The following CNBD1 variants were observed in gnomAD, a reference collection of about 807,000 sequenced individuals.
CNBD1 encodes cyclic nucleotide-binding domain-containing protein 1.
A neutral mutation model predicts 54.4 loss-of-function variants in CNBD1; 71 were observed. The observed-to-expected ratio is 1.30, with a 90% CI of 1.08 to 1.59. The LOEUF (loss-of-function observed/expected upper bound fraction) is 1.59. Among genes scored for constraint, CNBD1 ranks in the 40% most tolerant of loss-of-function variants. The pLI is 0.00. For missense variants in CNBD1, 659 were observed against 518.0 expected (o/e 1.27, Z -2.64); for synonymous variants, 182 against 170.7 (o/e 1.07, Z -0.51).
At chr8:87,232,274 C>T (rs1329769809) in intron 5 of CNBD1, among the ~76,000 whole-genome samples, 1 of 152,072 alleles carries the variant, frequency 6.6e-6, no homozygotes, top group Non-Finnish European at 1.5e-5. Flanking sequence ...ACTTTCATTC[C>T]TCCTGAGCAA....
rs558174025 is a variant in CNBD1 at position 87,240,995 on chromosome 8, A to C, written c.771+3883A>C. Reference sequence around the variant, plus strand: ...GGTCCCCCCAGTTGATGGGCTAGGGAAAGTTTCAAGTTTACTCCACTAAAT... The same window carrying C: ...GGTCCCCCCAGTTGATGGGCTAGGGCAAGTTTCAAGTTTACTCCACTAAAT... On this transcript the variant is annotated intron_variant, in intron 6 of 10. Coordinates refer to ENST00000518476, the MANE Select transcript of CNBD1 (RefSeq NM_173538.3). 5.0e-4 allele frequency among the ~76,000 whole-genome samples: 76 copies of C among 152,194 alleles called. 1 individual carries two copies. In the Middle Eastern group the frequency reaches 0.017, roughly 34 times the overall value.
intron 9 of CNBD1, among the ~76,000 whole-genome samples, chr8:87,353,076 C>T (rs957388745): frequency 2.0e-5 from 3 of 152,180 alleles, no homozygotes; most frequent in Admixed American, 2.0e-4. Flanking sequence ...ATCCTGTAGG[C>T]CCTTCTCCAC....
At chr8:86,979,777 G>A (rs1808433349) in intron 4 of CNBD1, among the ~76,000 whole-genome samples, 2 of 151,962 alleles carry the variant, frequency 1.3e-5, no homozygotes, top group Admixed American at 1.3e-4. Flanking sequence ...TATGTCAAAG[G>A]CTACCTGTGA....
At chr8:87,053,336 G>A (rs7013095) in intron 4 of CNBD1, among the ~76,000 whole-genome samples, 461 of 152,290 alleles carry the variant, frequency 3.0e-3, no homozygotes, top group African/African-American at 0.01. Context: ...ATAAGGCCAC[G>A]CTCTTGTACA....
chr8:87,055,438 C>T (rs1472499840), intron 4 of CNBD1, among the ~76,000 whole-genome samples: 1 of 152,090 alleles, frequency 6.6e-6, no homozygotes, highest in Non-Finnish European at 1.5e-5. Context: ...GTAAGTCCCC[C>T]CCTTCCCTCC....
chr8:87,333,976 C>T (rs538920216), intron 8 of CNBD1, among the ~76,000 whole-genome samples: 12 of 152,226 alleles, frequency 7.9e-5, no homozygotes, highest in South Asian at 4.2e-4. Context: ...TGGTTGAATT[C>T]GGCTGTTAAT....
At chr8:87,079,406 T>C (rs1234258948) in intron 4 of CNBD1, among the ~76,000 whole-genome samples, 1 of 152,156 alleles carries the variant, frequency 6.6e-6, no homozygotes, top group East Asian at 1.9e-4. Flanking sequence ...TGTTTTCTAA[T>C]GTGGCAGTAC....
chr8:87,351,609 CTTTT>C (rs889904713), intron 8 of CNBD1, 72 bp from the exon 9 acceptor site: 2 of 1,312,508 alleles, frequency 1.5e-6, no homozygotes, highest in African/African-American at 3.1e-5. Flanking sequence ...AATACATTAA[CTTTT>C]GTTGCTAAAA....
At chr8:87,402,367 T>C (rs989481460) in intron 2 of CNBD1, among the ~76,000 whole-genome samples, 1 of 152,004 alleles carries the variant, frequency 6.6e-6, no homozygotes, top group Admixed American at 6.6e-5. Flanking sequence ...TTTTTCACTC[T>C]CACAAAAGAG....
chr8:87,040,435 T>A (rs1183213067), intron 4 of CNBD1, among the ~76,000 whole-genome samples: 1 of 150,468 alleles, frequency 6.6e-6, no homozygotes, highest in Non-Finnish European at 1.5e-5. Flanking sequence ...TTTTTTTTTT[T>A]TTTTTTGAGA....
intron 4 of CNBD1, among the ~76,000 whole-genome samples, chr8:87,050,365 C>T (rs907922474): frequency 6.6e-6 from 1 of 152,172 alleles, no homozygotes; most frequent in Non-Finnish European, 1.5e-5. Context: ...ACCTTATATC[C>T]TCTCTTAGCT....
intron 4 of CNBD1, among the ~76,000 whole-genome samples, chr8:87,179,255 T>C (rs1813261404): frequency 6.6e-6 from 1 of 152,230 alleles, no homozygotes; most frequent in South Asian, 2.1e-4. Context: ...AGAAACATTT[T>C]TATCATATTT....
chr8:87,042,672 A>G (rs1047933908), intron 4 of CNBD1, among the ~76,000 whole-genome samples: 50 of 152,166 alleles, frequency 3.3e-4, no homozygotes, highest in African/African-American at 1.0e-3. Context: ...AGAGTGTGTT[A>G]TATTCATCTG....
chr8:86,962,397 C>G (rs1807953596), intron 4 of CNBD1, among the ~76,000 whole-genome samples: 1 of 152,130 alleles, frequency 6.6e-6, no homozygotes, highest in Non-Finnish European at 1.5e-5. Flanking sequence ...TCTCTTATTT[C>G]CTGACTTTAG....
At position 87,355,768 on chromosome 8, in the gene CNBD1, C is replaced by T. The variant is rs577986024; in HGVS notation, c.1303+1982C>T. ...GACTGAATACTGTTATCCTGAATTTCAATTATGTTTTATGTCTCTGACATG... is the reference window on the plus strand; with the variant it reads ...GACTGAATACTGTTATCCTGAATTTTAATTATGTTTTATGTCTCTGACATG... On this transcript the variant is annotated intron_variant, in intron 10 of 10. Coordinates refer to ENST00000518476, the MANE Select transcript of CNBD1 (RefSeq NM_173538.3). 2.6e-3 allele frequency among the ~76,000 whole-genome samples: 396 copies of T among 152,142 alleles called. 1 individual carries two copies. The highest frequency in any genetic ancestry group is 4.6e-3 in the Non-Finnish European group (312 of 67,990).
At chr8:86,871,266 G>A (rs974050054) in intron 1 of CNBD1, among the ~76,000 whole-genome samples, 3 of 152,172 alleles carry the variant, frequency 2.0e-5, no homozygotes, top group Non-Finnish European at 2.9e-5. Flanking sequence ...TGAGTCTCAG[G>A]CTACTGCTCT....
chr8:87,032,506 T>C (rs1220816042), intron 4 of CNBD1, among the ~76,000 whole-genome samples: 5 of 152,194 alleles, frequency 3.3e-5, no homozygotes, highest in African/African-American at 1.2e-4. Context: ...TCATTCTTAC[T>C]GTTTTCCCAC....
chr8:87,096,514 G>A (rs1811324039), intron 4 of CNBD1, among the ~76,000 whole-genome samples: 1 of 152,182 alleles, frequency 6.6e-6, no homozygotes, highest in Middle Eastern at 3.4e-3. Context: ...CCATAGTGGG[G>A]AATTGAAGAA....
At chr8:86,879,429 C>T (rs951090369) in intron 1 of CNBD1, among the ~76,000 whole-genome samples, 12 of 152,112 alleles carry the variant, frequency 7.9e-5, no homozygotes, top group African/African-American at 2.2e-4. Flanking sequence ...CTATGGAAGA[C>T]GAGTTTCAAA....
Sources: gnomAD v4.1 joint callset for allele counts (sites outside exome capture counted in the v4.1 genomes callset) on GRCh38, gnomAD v4.1.1 for gene constraint, MANE v1.5 for transcripts, NCBI Gene and HGNC (gene_info 2026-07-23, HGNC 2026-07-21) for gene names.